ITGAL: variants seen among roughly 807,000 people sequenced by gnomAD.
ITGAL encodes the protein integrin subunit alpha L, also known as integrin alpha-L.
A neutral mutation model predicts 138.4 loss-of-function variants in ITGAL; 68 were observed. That is an observed-to-expected ratio of 0.49 (90% CI 0.40 to 0.60). ITGAL has a LOEUF of 0.60. ITGAL is among the 20% of genes least tolerant of loss of function. ITGAL has a pLI of 0.00. For missense variants in ITGAL, 1,256 were observed against 1,478.6 expected (o/e 0.85, Z 2.47); for synonymous variants, 561 against 584.3 (o/e 0.96, Z 0.57).
At chr16:30,485,638 C>A (rs1216456390) in intron 9 of ITGAL, among the ~76,000 whole-genome samples, 1 of 151,740 alleles carries the variant, frequency 6.6e-6, no homozygotes, top group Non-Finnish European at 1.5e-5. Context: ...GATCCTCCCA[C>A]GTAGCTGGGA....
At chr16:30,488,483 C>CG (rs2050678079) in intron 9 of ITGAL, among the ~76,000 whole-genome samples, 1 of 151,688 alleles carries the variant, frequency 6.6e-6, no homozygotes, top group Non-Finnish European at 1.5e-5. Flanking sequence ...GAGGCCGAGG[C>CG]GGGTGGATCA....
At chr16:30,514,838 T>C (rs910752346) in intron 25 of ITGAL, among the ~76,000 whole-genome samples, 8 of 151,100 alleles carry the variant, frequency 5.3e-5, no homozygotes, top group African/African-American at 1.9e-4. Context: ...TTTTTTTTTT[T>C]TTTTGAGGTA....
At chr16:30,488,270 G>A (rs2050675680) in intron 9 of ITGAL, among the ~76,000 whole-genome samples, 1 of 152,014 alleles carries the variant, frequency 6.6e-6, no homozygotes, top group South Asian at 2.1e-4. Context: ...GAGATGAGAT[G>A]GAGTATAGAG....
Position 30,494,928 on chromosome 16 carries a change from T to C in ITGAL, c.1503+78T>C, listed in dbSNP as rs2050778733. Reference sequence around the variant, plus strand: ...CAGCTCCCAGTTATTCTGAAGGCTTTCTCTGTCTGGTCACGTGGCGATCAA... The same window carrying C: ...CAGCTCCCAGTTATTCTGAAGGCTTCCTCTGTCTGGTCACGTGGCGATCAA... On this transcript the variant is annotated intron_variant, in intron 13 of 30. Transcript: ENST00000356798. This position sits in a 1 kb window ranked among gnomAD's most constrained non-coding sequence, Gnocchi z 4.2. 7 of 1,478,374 alleles carry C rather than the reference T, an allele frequency of 4.7e-6. No homozygotes were observed. Among genetic ancestry groups the C allele is most frequent in the Non-Finnish European group, 3.6e-6 (4 of 1,098,404 alleles). 91.6% of individuals were successfully genotyped at this position (1,478,374 alleles called of 1,614,324 possible). A position where few individuals can be genotyped will look rare whatever the true frequency, so the allele number is the denominator to read the frequency against.
intron 30 of ITGAL, among the ~76,000 whole-genome samples, chr16:30,520,834 G>C (rs188731764): frequency 1.3e-5 from 2 of 152,072 alleles, no homozygotes; most frequent in Non-Finnish European, 2.9e-5. Context: ...CCTGTAATCC[G>C]AGCACTTTGG....
chr16:30,501,770 T>A (rs968609894), intron 17 of ITGAL, among the ~76,000 whole-genome samples: 1 of 152,034 alleles, frequency 6.6e-6, no homozygotes, highest in African/African-American at 2.4e-5. Context: ...CCAGGCACGG[T>A]GGCTCATGCC....
In ITGAL at chr16:30,516,927, G is replaced by C. The variant is rs752668982; in HGVS notation, c.2863-46G>C. On this transcript the variant is annotated intron_variant, in intron 25 of 30. Transcript: ENST00000356798. ...GCACACAGGGTCTGGGGGGCAGCTG[G>C]GGTGGCTGGCATTCAGGGCTCTGCA... 4 of 1,329,012 alleles carry C rather than the reference G, an allele frequency of 3.0e-6. No individual in the cohort carries two copies. In the African/African-American group the frequency reaches 5.8e-5, roughly 19 times the overall value. 82.3% of individuals were successfully genotyped at this position (1,329,012 alleles called of 1,614,324 possible). A position where few individuals can be genotyped will look rare whatever the true frequency, so the allele number is the denominator to read the frequency against.
chr16:30,479,876 C>T (rs2050529391), intron 6 of ITGAL, among the ~76,000 whole-genome samples: 1 of 151,960 alleles, frequency 6.6e-6, no homozygotes, highest in African/African-American at 2.4e-5. Flanking sequence ...GTCTTGAACT[C>T]CTGACCTTGT....
chr16:30,473,906 C>A (rs572877771), intron 1 of ITGAL: 1 of 557,436 alleles, frequency 1.8e-6, no homozygotes, highest in Non-Finnish European at 3.4e-6. Context: ...TGCCTTGGGG[C>A]CCCTTGGGTC....
chr16:30,512,519 G>A lies in ITGAL; in HGVS notation c.2787-1252G>A, dbSNP rs577213210. Among the ~76,000 whole-genome samples, 16 of 151,168 alleles carry A rather than the reference G, an allele frequency of 1.1e-4. No individual in the cohort carries two copies. The East Asian group carries it at 3.2e-3, about 30-fold the overall frequency. On this transcript the variant is annotated intron_variant, in intron 24 of 30. Coordinates refer to ENST00000356798, the MANE Select transcript of ITGAL (RefSeq NM_002209.3). ...GGACAATTGCTTGAACCCGGGTGGA[G>A]GAGGTTGCAGTGAGCCGAGATCATG...
rs2051172947 is a variant in ITGAL at position 30,516,827 on chromosome 16, C to T, written c.2863-146C>T. 7 of 691,488 alleles carry T rather than the reference C, an allele frequency of 1.0e-5. No individual in the cohort carries two copies. In the East Asian group the frequency reaches 1.6e-4, roughly 15 times the overall value. 42.8% of individuals were successfully genotyped at this position (691,488 alleles called of 1,614,324 possible). On this transcript the variant is annotated intron_variant, in intron 25 of 30. Coordinates refer to ENST00000356798, the MANE Select transcript of ITGAL (RefSeq NM_002209.3). ...CCCTGAGGACGGAAGCTGGCCATGC[C>T]CAGTCACTGGACACTGCCTAACCGA...
chr16:30,510,215 A>C (rs1256169069), intron 21 of ITGAL, 146 bp from the exon 22 acceptor site: 1 of 635,872 alleles, frequency 1.6e-6, no homozygotes, highest in Non-Finnish European at 2.8e-6. Flanking sequence ...CTCTGTCTGC[A>C]GCCCTGATTC....
chr16:30,494,619 G>C lies in ITGAL; in HGVS notation c.1366-94G>C. On this transcript the variant is annotated intron_variant, in intron 12 of 30. Transcript: ENST00000356798. This position sits in a 1 kb window ranked among gnomAD's most constrained non-coding sequence, Gnocchi z 4.2. ...ATCCAAGATTGGAACCTGCATTTGAGGGAGTGGCACAAGATGAACACGGTA... is the reference window on the plus strand; with the variant it reads ...ATCCAAGATTGGAACCTGCATTTGACGGAGTGGCACAAGATGAACACGGTA... 7.0e-7 allele frequency: 1 copy of C among 1,420,410 alleles called. No individual in the cohort carries two copies. The highest frequency in any genetic ancestry group is 9.4e-7 in the Non-Finnish European group (1 of 1,058,830). 88.0% of individuals were successfully genotyped at this position (1,420,410 alleles called of 1,614,324 possible).
intron 29 of ITGAL, 187 bp from the exon 30 acceptor site, chr16:30,519,670 G>A (rs946345770): frequency 1.6e-6 from 1 of 610,072 alleles, no homozygotes; most frequent in African/African-American, 1.8e-5. Flanking sequence ...GCTGCCTAAG[G>A]TGTGTGTTGG....
chr16:30,482,887 C>T (rs1308569007), intron 7 of ITGAL, among the ~76,000 whole-genome samples: 4 of 151,952 alleles, frequency 2.6e-5, no homozygotes, highest in East Asian at 1.9e-4. Context: ...AGCGCAGTGA[C>T]GTGATCCTAG....
At chr16:30,510,537 C>A in intron 22 of ITGAL, 66 bp downstream of exon 22, 1 of 941,604 alleles carries the variant, frequency 1.1e-6, no homozygotes, top group Non-Finnish European at 1.8e-6. Flanking sequence ...GGGCAGGGAG[C>A]TCTTGGCTCA....
intron 3 of ITGAL, 37 bp downstream of exon 3, chr16:30,475,437 C>A: frequency 1.9e-6 from 3 of 1,601,508 alleles, no homozygotes; most frequent in Non-Finnish European, 2.6e-6. Flanking sequence ...GGAATGGGAT[C>A]TTGGGGAAAC....
At chr16:30,514,271 C>T (rs913550551) in intron 25 of ITGAL, among the ~76,000 whole-genome samples, 2 of 151,512 alleles carry the variant, frequency 1.3e-5, no homozygotes, top group Non-Finnish European at 2.9e-5. Flanking sequence ...CCACCATGCC[C>T]AGCTAATTTT....
chr16:30,517,743 G>T, intron 27 of ITGAL, 38 bp downstream of exon 27: 1 of 1,612,616 alleles, frequency 6.2e-7, no homozygotes, highest in Non-Finnish European at 8.5e-7. Context: ...GGGGCTGGGC[G>T]GTACACGGGT....
Sources: gnomAD v4.1 joint callset for allele counts (sites outside exome capture counted in the v4.1 genomes callset) on GRCh38, gnomAD v4.1.1 for gene constraint, Gnocchi (gnomAD v3.1) non-coding constraint, MANE v1.5 for transcripts, NCBI Gene and HGNC (gene_info 2026-07-23, HGNC 2026-07-21) for gene names.